The following SCTR variants were observed in gnomAD, a reference collection of about 807,000 sequenced individuals.
The protein encoded by SCTR is secretin receptor.
A neutral mutation model predicts 60.8 loss-of-function variants in SCTR; 56 were observed. That is an observed-to-expected ratio of 0.92 (90% CI 0.74 to 1.15). The LOEUF is 1.15. SCTR is among the 50% of genes most tolerant of loss of function. The pLI is 0.00. For synonymous variants in SCTR, 202 were observed against 217.0 expected, an observed-to-expected ratio of 0.93 and a Z score of 0.61; for missense variants, 562 against 550.4, an observed-to-expected ratio of 1.02 and a Z score of -0.21.
chr2:119,469,974 G>A (rs1676934822), intron 4 of SCTR, among the ~76,000 whole-genome samples: 1 of 152,206 alleles, frequency 6.6e-6, no homozygotes, highest in Admixed American at 6.5e-5. Context: ...AAGGGACAGA[G>A]AGTAAATATT....
chr2:119,477,784 A>C (rs1677400037), intron 3 of SCTR, among the ~76,000 whole-genome samples: 1 of 152,166 alleles, frequency 6.6e-6, no homozygotes, highest in Non-Finnish European at 1.5e-5. Context: ...ATTTGCATGA[A>C]GGCTTTGAGA....
At chr2:119,478,610 C>T (rs1455658336) in intron 3 of SCTR, among the ~76,000 whole-genome samples, 1 of 152,122 alleles carries the variant, frequency 6.6e-6, no homozygotes. Flanking sequence ...TGCCTCCTGC[C>T]CCCTTGCTTG....
chr2:119,479,130 A>C (rs1677482092), intron 2 of SCTR: 2 of 1,274,074 alleles, frequency 1.6e-6, no homozygotes, highest in South Asian at 2.6e-5. Flanking sequence ...TCAGTGTTGA[A>C]GATAGAAGGA....
chr2:119,443,952 A>T (rs2104751032), intron 11 of SCTR, among the ~76,000 whole-genome samples: 1 of 152,230 alleles, frequency 6.6e-6, no homozygotes, highest in East Asian at 1.9e-4. Context: ...CTCTTTGAAG[A>T]TGAAATAACA....
chr2:119,499,859 A>C (rs6728210), intron 1 of SCTR, among the ~76,000 whole-genome samples: 1 of 152,166 alleles, frequency 6.6e-6, no homozygotes, highest in African/African-American at 2.4e-5. Context: ...AAGGATGGCA[A>C]GATGTCTACT....
chr2:119,522,981 G>C (rs1166173736), intron 1 of SCTR, among the ~76,000 whole-genome samples: 1 of 152,192 alleles, frequency 6.6e-6, no homozygotes, highest in Non-Finnish European at 1.5e-5. Context: ...TACTGCTGCT[G>C]AAAGTCTTGG....
At chr2:119,487,560 A>G (rs1677925540) in intron 2 of SCTR, among the ~76,000 whole-genome samples, 1 of 152,124 alleles carries the variant, frequency 6.6e-6, no homozygotes, top group African/African-American at 2.4e-5. Context: ...CTGTCACCAC[A>G]CTGTCCTTCT....
chr2:119,465,738 G>A, intron 5 of SCTR, 51 bp downstream of exon 5: 5 of 1,274,794 alleles, frequency 3.9e-6, no homozygotes, highest in Non-Finnish European at 4.6e-6. Flanking sequence ...GAGACCCAAA[G>A]TCTGTACCTG....
At chr2:119,483,471 T>C (rs952346575) in intron 2 of SCTR, among the ~76,000 whole-genome samples, 6 of 152,126 alleles carry the variant, frequency 3.9e-5, no homozygotes, top group Non-Finnish European at 8.8e-5. Flanking sequence ...CCCCACAGTG[T>C]TGATCGTTTC....
chr2:119,501,770 A>C (rs1315304769), intron 1 of SCTR, among the ~76,000 whole-genome samples: 2 of 150,132 alleles, frequency 1.3e-5, no homozygotes, highest in Non-Finnish European at 2.9e-5. Flanking sequence ...CCAATCAAAA[A>C]ATACAAAGAA....
At chr2:119,521,196 G>A (rs1462711899) in intron 1 of SCTR, among the ~76,000 whole-genome samples, 2 of 152,162 alleles carry the variant, frequency 1.3e-5, no homozygotes, top group South Asian at 2.1e-4. Flanking sequence ...TTTGCCAAAT[G>A]TCATGGATTA....
intron 4 of SCTR, among the ~76,000 whole-genome samples, chr2:119,471,909 T>A (rs536163980): frequency 4.6e-5 from 7 of 152,142 alleles, no homozygotes; most frequent in Admixed American, 3.9e-4. Context: ...ACAATGAATG[T>A]ACAGGATTAT....
chr2:119,482,929 C>T (rs1234109797), intron 2 of SCTR, among the ~76,000 whole-genome samples: 5 of 152,262 alleles, frequency 3.3e-5, no homozygotes, highest in African/African-American at 1.2e-4. Flanking sequence ...GTTGCAGCTC[C>T]CCTGCCAGCT....
chr2:119,507,957 C>T (rs2104933666), intron 1 of SCTR, among the ~76,000 whole-genome samples: 1 of 152,192 alleles, frequency 6.6e-6, no homozygotes, highest in South Asian at 2.1e-4. Flanking sequence ...CTCATTCTCA[C>T]TCTTACCACC....
intron 9 of SCTR, among the ~76,000 whole-genome samples, chr2:119,451,756 C>A (rs1438442547): frequency 6.6e-6 from 1 of 152,256 alleles, no homozygotes; most frequent in African/African-American, 2.4e-5. Context: ...GCTCACCACA[C>A]TTGAGCTGCT....
rs1173232368 is a variant in SCTR at position 119,444,196 on chromosome 2, CATATGTAT to C, written c.1140+2555_1140+2562del. 1.9e-3 allele frequency among the ~76,000 whole-genome samples: 250 copies of C among 129,322 alleles called. 2 individuals are homozygous for C. The highest frequency in any genetic ancestry group is 5.7e-3 in the African/African-American group (149 of 26,354). 84.8% of individuals were successfully genotyped at this position (129,322 alleles called of 152,430 possible). On this transcript the variant is annotated intron_variant, in intron 11 of 12. Transcript: ENST00000019103. ...GTATATATACATATGAATATATACA[CATATGTAT>C]ATATACATATGAATATATACACATA... is the stretch of plus-strand genomic sequence containing the variant.
At chr2:119,441,373 C>G (rs932623168) in intron 12 of SCTR, among the ~76,000 whole-genome samples, 185 bp downstream of exon 12, 1 of 152,208 alleles carries the variant, frequency 6.6e-6, no homozygotes, top group African/African-American at 2.4e-5. Context: ...TTTGAACAAG[C>G]CTTGCTCCCA....
chr2:119,460,959 G>C (rs57261508), intron 7 of SCTR, among the ~76,000 whole-genome samples: 24,804 of 152,160 alleles, frequency 0.16, 2,163 homozygotes, highest in East Asian at 0.3. Flanking sequence ...GCTGGATGGA[G>C]TCTCTTTCTT....
intron 1 of SCTR, among the ~76,000 whole-genome samples, chr2:119,515,358 C>T (rs72834834): frequency 0.015 from 2,241 of 152,290 alleles, 27 homozygotes; most frequent in South Asian, 0.034. Flanking sequence ...TGAGGATTGT[C>T]TTTGAAATAA....
Sources: allele counts gnomAD v4.1 joint callset (sites outside exome capture counted in the v4.1 genomes callset), GRCh38; gene constraint gnomAD v4.1.1; transcripts MANE v1.5; gene names NCBI Gene and HGNC (gene_info 2026-07-23, HGNC 2026-07-21).